The following TRAPPC9 variants were observed in gnomAD, a reference collection of about 807,000 sequenced individuals.
The protein encoded by TRAPPC9 is IKK2 binding protein.
Under a neutral mutation model 124.0 loss-of-function variants are expected in TRAPPC9, and 83 were observed. That is an observed-to-expected ratio of 0.67 (90% confidence interval 0.56 to 0.80). The LOEUF (loss-of-function observed/expected upper bound fraction) is 0.80. TRAPPC9 is among the 30% of genes least tolerant of loss of function. TRAPPC9 has a pLI of 0.00. For synonymous variants in TRAPPC9, 638 were observed against 617.5 expected (o/e 1.03, Z -0.49); for missense variants, 1,302 against 1,508.3 (o/e 0.86, Z 2.27).
In TRAPPC9 at chr8:140,397,582, G is replaced by A. The variant is rs2069133648; in HGVS notation, c.1134+38C>T. The A allele has an allele frequency of 5.0e-6, 8 of 1,612,100 alleles. No homozygotes were observed. The East Asian group carries it at 1.6e-4, about 31-fold the overall frequency. On this transcript the variant is annotated intron_variant, in intron 7 of 22. Transcript: ENST00000438773. ...ATAGTGAATCAATTCCGTAAGAACT[G>A]GATGAACTCTTCCACTTACAGGTAG...
chr8:139,897,584 T>C (rs972459265), intron 20 of TRAPPC9, among the ~76,000 whole-genome samples: 16 of 152,206 alleles, frequency 1.1e-4, no homozygotes, highest in African/African-American at 3.6e-4. Flanking sequence ...ACCTGTGATG[T>C]GTCAGTTACC....
At chr8:140,244,953 AC>A (rs1260140739) in intron 16 of TRAPPC9, among the ~76,000 whole-genome samples, 2 of 151,478 alleles carry the variant, frequency 1.3e-5, no homozygotes. Context: ...ATTAAGGTGC[AC>A]GCCACCACAC....
At chr8:140,445,475 G>A (rs892369526) in intron 2 of TRAPPC9, among the ~76,000 whole-genome samples, 7 of 152,276 alleles carry the variant, frequency 4.6e-5, no homozygotes, top group Non-Finnish European at 7.4e-5. Flanking sequence ...AAGGGCCTGC[G>A]GTCCAGGAGA....
At chr8:140,236,070 C>G (rs2063722408) in intron 16 of TRAPPC9, among the ~76,000 whole-genome samples, 1 of 146,674 alleles carries the variant, frequency 6.8e-6, no homozygotes, top group African/African-American at 2.5e-5. Flanking sequence ...AGAAAGTACA[C>G]TGTATTTCCT....
rs189096018 is a variant in TRAPPC9, at chr8:140,007,358, C to A, written c.2699+16579G>T. 1.2e-3 allele frequency among the ~76,000 whole-genome samples: 181 copies of A among 152,284 alleles called. 1 individual carries two copies. The highest frequency in any genetic ancestry group is 1.7e-3 in the Non-Finnish European group (114 of 68,026). The stretch of plus-strand genomic sequence containing the variant: ...GCACATCAAGACATTTGTAAGGCCT[C>A]AAAATACAACGTTTAAAATATAACA... On this transcript the variant is annotated intron_variant, in intron 18 of 22. Transcript: ENST00000438773.
At chr8:140,442,679 G>C (rs1026461180) in intron 2 of TRAPPC9, among the ~76,000 whole-genome samples, 10 of 151,846 alleles carry the variant, frequency 6.6e-5, no homozygotes, top group African/African-American at 2.2e-4. Flanking sequence ...CAAGAGCTTG[G>C]TATTCTAGTC....
intron 19 of TRAPPC9, among the ~76,000 whole-genome samples, chr8:139,924,837 C>T (rs922742654): frequency 2.6e-4 from 40 of 152,238 alleles, no homozygotes; most frequent in African/African-American, 9.2e-4. Context: ...TCTTACTCAT[C>T]TTTTACAGGC....
rs1029031539 is a variant in TRAPPC9 at position 140,353,464 on chromosome 8, G to A, written c.1495+6586C>T. Among the ~76,000 whole-genome samples the A allele has an allele frequency of 3.3e-5, 5 of 152,102 alleles. No individual in the cohort carries two copies. Among genetic ancestry groups the A allele is most frequent in the Admixed American group, 6.5e-5 (1 of 15,270 alleles). On this transcript the variant is annotated intron_variant, in intron 9 of 22. Coordinates refer to ENST00000438773, the MANE Select transcript of TRAPPC9 (RefSeq NM_001160372.4). The surrounding 1 kb of genome is among the most constrained non-coding windows in gnomAD (Gnocchi z 4.2). ...GCCTACATATGGTTGAACCTTACTC[G>A]CTCACCTGGGGCTTTTGATCCCAGT...
intron 7 of TRAPPC9, among the ~76,000 whole-genome samples, chr8:140,373,307 T>C (rs61040305): frequency 6.6e-6 from 1 of 152,322 alleles, no homozygotes; most frequent in East Asian, 1.9e-4. Flanking sequence ...CATAGAATCA[T>C]GGGTGGAAGC....
chr8:140,184,595 C>T lies in TRAPPC9; in HGVS notation c.2556+36864G>A, dbSNP rs577812348. Among the ~76,000 whole-genome samples, 5 of 152,272 alleles carry T rather than the reference C, an allele frequency of 3.3e-5. No homozygotes were observed. The South Asian group carries it at 1.0e-3, about 32-fold the overall frequency. On this transcript the variant is annotated intron_variant, in intron 17 of 22. Transcript: ENST00000438773. ...GGATTACAGGAGTAAGCCACCATGC[C>T]TGACTAATTTTTGTTTTGTTTTGTT... is the stretch of plus-strand genomic sequence containing the variant.
chr8:140,158,246 T>A (rs1042010017), intron 17 of TRAPPC9, among the ~76,000 whole-genome samples: 2 of 152,258 alleles, frequency 1.3e-5, no homozygotes, highest in African/African-American at 4.8e-5. Flanking sequence ...CAGAAGGGAC[T>A]GCAGATGTGG....
At chr8:140,455,123 T>C (rs2071606788) in intron 1 of TRAPPC9, among the ~76,000 whole-genome samples, 1 of 152,146 alleles carries the variant, frequency 6.6e-6, no homozygotes, top group Non-Finnish European at 1.5e-5. Flanking sequence ...TACAGGAATG[T>C]ACATAGCAGT....
At chr8:140,172,623 G>C (rs9694884) in intron 17 of TRAPPC9, among the ~76,000 whole-genome samples, 3 of 152,056 alleles carry the variant, frequency 2.0e-5, no homozygotes, top group African/African-American at 7.3e-5. Context: ...TGAGAGCTAC[G>C]ATCGCAGCAG....
chr8:139,925,527 T>G (rs889762718), intron 19 of TRAPPC9, among the ~76,000 whole-genome samples: 3 of 152,000 alleles, frequency 2.0e-5, no homozygotes. Context: ...GCGGGCAGAT[T>G]GCTTGAGGCC....
At chr8:140,457,891 G>A (rs1209391439), upstream of TRAPPC9, 13 of 867,602 alleles carry the variant, frequency 1.5e-5, no homozygotes, top group Non-Finnish European at 2.0e-5. Context: ...AGAGAAGAGG[G>A]GACAGGGAGG....
intron 17 of TRAPPC9, among the ~76,000 whole-genome samples, chr8:140,025,129 T>C (rs1840064102): frequency 6.6e-6 from 1 of 152,198 alleles, no homozygotes; most frequent in African/African-American, 2.4e-5. Flanking sequence ...ACAGCTTCTC[T>C]GCAACCCTGA....
At chr8:140,250,452 G>A (rs2064105920) in intron 16 of TRAPPC9, among the ~76,000 whole-genome samples, 1 of 152,172 alleles carries the variant, frequency 6.6e-6, no homozygotes, top group Non-Finnish European at 1.5e-5. Flanking sequence ...TCCCCCATTA[G>A]ATGTCTCTGA....
intron 19 of TRAPPC9, among the ~76,000 whole-genome samples, chr8:139,956,157 CGTT>C (rs1834966233): frequency 6.6e-6 from 1 of 151,526 alleles, no homozygotes; most frequent in Non-Finnish European, 1.5e-5. Flanking sequence ...GATGTTGTTT[CGTT>C]TTTTTTTTTC....
intron 21 of TRAPPC9, among the ~76,000 whole-genome samples, chr8:139,845,782 TACTGAAGCC>T (rs1269596341): frequency 6.6e-6 from 1 of 152,240 alleles, no homozygotes; most frequent in African/African-American, 2.4e-5. Context: ...CTGTGAGCTT[TACTGAAGCC>T]ACTATTACTC....
Sources: allele counts gnomAD v4.1 joint callset (sites outside exome capture counted in the v4.1 genomes callset), GRCh38; gene constraint gnomAD v4.1.1; non-coding constraint Gnocchi (gnomAD v3.1); transcripts MANE v1.5; gene names NCBI Gene and HGNC (gene_info 2026-07-23, HGNC 2026-07-21).